The following SEC13 variants were observed in gnomAD, a reference collection of about 807,000 sequenced individuals.
The protein encoded by SEC13 is SEC13 homolog, nuclear pore and COPII component.
In SEC13, 25 loss-of-function variants were observed where a neutral mutation model predicts 49.2. That is an observed-to-expected ratio of 0.51 (90% CI 0.37 to 0.71). The LOEUF (loss-of-function observed/expected upper bound fraction) is 0.71, where lower values mean the gene tolerates loss of function less well. Ranked by LOEUF, SEC13 falls within the 30% of genes least tolerant of loss-of-function variation. The pLI is 0.00. For synonymous variants in SEC13, 148 were observed against 163.9 expected (o/e 0.90, Z 0.74); for missense variants, 383 against 417.6 (o/e 0.92, Z 0.72).
Position 10,314,602 on chromosome 3 carries a change from C to T in SEC13, c.164+719G>A, listed in dbSNP as rs1177949210. Reference sequence around the variant, plus strand: ...CTGTCCCAATTCATCAACCCCTGAACTCTATTCACAGAACCCTTGGAGATC... The same window carrying T: ...CTGTCCCAATTCATCAACCCCTGAATTCTATTCACAGAACCCTTGGAGATC... On this transcript the variant is annotated intron_variant, in intron 3 of 8. Transcript: ENST00000350697. Among the ~76,000 whole-genome samples, 3 of 152,306 alleles carry T rather than the reference C, an allele frequency of 2.0e-5. No individual in the cohort carries two copies. The East Asian group carries it at 5.8e-4, about 29-fold the overall frequency.
intron 3 of SEC13, 167 bp from the exon 4 acceptor site, chr3:10,312,897 A>G (rs1448228312): frequency 4.8e-6 from 3 of 625,200 alleles, no homozygotes; most frequent in Non-Finnish European, 8.2e-6. Flanking sequence ...GTGGACAGTG[A>G]GGAGCCTGAG....
intron 5 of SEC13, chr3:10,305,918 A>G (rs1239327364): frequency 4.7e-6 from 2 of 424,480 alleles, no homozygotes; most frequent in Admixed American, 3.6e-5. Flanking sequence ...AAGAACTCCC[A>G]CAAGTTTAAG....
At position 10,321,008 on chromosome 3, in the gene SEC13, G is replaced by A. The variant is rs2059767150; in HGVS notation, c.3+42C>T. On this transcript the variant is annotated intron_variant, in intron 1 of 8. Transcript: ENST00000350697. This position sits in a 1 kb window ranked among gnomAD's most constrained non-coding sequence, Gnocchi z 4.1. Reference sequence around the variant, plus strand: ...CGAGGAACCCGTGAAGGCCGCGACCGTGGCCTTCACCCTGCTAGGCCTCCT... The same window carrying A: ...CGAGGAACCCGTGAAGGCCGCGACCATGGCCTTCACCCTGCTAGGCCTCCT... 2 of 1,608,382 alleles carry A rather than the reference G, an allele frequency of 1.2e-6. No homozygotes were observed. Among genetic ancestry groups the A allele is most frequent in the Admixed American group, 1.7e-5 (1 of 59,368 alleles).
rs562938805 is a variant in SEC13, at chr3:10,304,166, G to T, written c.715C>A (p.Arg239Ser). 1 of 1,613,890 alleles carries T rather than the reference G, an allele frequency of 6.2e-7. No individual in the cohort carries two copies. The highest frequency in any genetic ancestry group is 1.1e-5 in the South Asian group (1 of 91,058). Residue 239 changes from arginine to serine, a missense_variant, in exon 8 of 9, where the codon CGT (arginine) becomes AGT (serine). Transcript: ENST00000350697. ...TCATCACAGGTCCAAATGAACACACGACCATCCTAGGAAGAAACAGGATAG... is the reference window on the plus strand; with the variant it reads ...TCATCACAGGTCCAAATGAACACACTACCATCCTAGGAAGAAACAGGATAG... Reference protein sequence around the residue: ...STIASCSQDGRVFIWTCDDAS... With the variant: ...STIASCSQDGSVFIWTCDDAS...
chr3:10,316,190 C>CT (rs911949330), intron 2 of SEC13, among the ~76,000 whole-genome samples: 8 of 152,200 alleles, frequency 5.3e-5, no homozygotes, highest in African/African-American at 1.2e-4. Context: ...GTGATGGTCT[C>CT]TGAGGCACCA....
intron 1 of SEC13, chr3:10,319,278 A>G (rs780392373): frequency 6.2e-7 from 1 of 1,605,904 alleles, no homozygotes; most frequent in Middle Eastern, 1.7e-4. Context: ...AGGTTCTCTC[A>G]TCAGATTCTA....
intron 5 of SEC13, among the ~76,000 whole-genome samples, chr3:10,307,387 T>G (rs1252378276): frequency 1.3e-5 from 2 of 152,088 alleles, no homozygotes; most frequent in Non-Finnish European, 2.9e-5. Context: ...TTTTGTATTT[T>G]TAGTAGCGTC....
At chr3:10,303,953 A>G in intron 8 of SEC13, 73 bp downstream of exon 8, 2 of 1,541,042 alleles carry the variant, frequency 1.3e-6, no homozygotes, top group East Asian at 2.3e-5. Context: ...TGGGAATGTC[A>G]AGTGCCCTCT....
intron 5 of SEC13, among the ~76,000 whole-genome samples, chr3:10,308,838 G>A (rs1013229220): frequency 3.5e-5 from 5 of 141,472 alleles, no homozygotes; most frequent in Admixed American, 7.4e-5. Context: ...CACTATGTTG[G>A]CCAGGTTGGT....
chr3:10,320,420 A>G (rs374386363), intron 1 of SEC13: 1 of 529,112 alleles, frequency 1.9e-6, no homozygotes, highest in South Asian at 8.1e-5. Flanking sequence ...TGTACACTGC[A>G]GATGCCACAG....
chr3:10,317,932 A>T (rs1701706267), intron 2 of SEC13, 118 bp downstream of exon 2: 1 of 672,244 alleles, frequency 1.5e-6, no homozygotes, highest in African/African-American at 1.8e-5. Flanking sequence ...ACCACTGCAA[A>T]GCCACCCTGG....
chr3:10,315,448 G>T lies in SEC13; in HGVS notation c.49-12C>A. The T allele has an allele frequency of 7.5e-7, 1 of 1,329,912 alleles. No individual in the cohort carries two copies. The highest frequency in any genetic ancestry group is 1.0e-6 in the Non-Finnish European group (1 of 961,184). The allele number at this position is 1,329,912 out of a possible 1,614,324, so 82.4% of individuals were successfully genotyped here. ...ATCTGGGCGTCGTGCTGCAAAGGGA[G>T]GACAGCTCGGGAAGCCTGCAGGCTG... On this transcript the variant is annotated splice_polypyrimidine_tract_variant and intron_variant, in intron 2 of 8. Coordinates refer to ENST00000350697, the MANE Select transcript of SEC13 (RefSeq NM_183352.3).
chr3:10,312,523 G>C, intron 4 of SEC13, 56 bp downstream of exon 4: 3 of 1,594,268 alleles, frequency 1.9e-6, no homozygotes, highest in Non-Finnish European at 2.6e-6. Context: ...AGCCGGGACA[G>C]AGTCCTTTTT....
intron 5 of SEC13, chr3:10,311,719 G>C: frequency 7.3e-7 from 1 of 1,370,596 alleles, no homozygotes; most frequent in South Asian, 1.5e-5. Context: ...CAGTGAGCAG[G>C]CTGCTGCTGC....
intron 8 of SEC13, chr3:10,303,814 G>C: frequency 1.7e-6 from 1 of 595,946 alleles, no homozygotes; most frequent in Non-Finnish European, 3.0e-6. Flanking sequence ...GCCTCTGTCA[G>C]CTTCTTTCCT....
intron 8 of SEC13, 116 bp from the exon 9 acceptor site, chr3:10,301,490 G>A (rs1407300844): frequency 3.0e-6 from 4 of 1,321,894 alleles, no homozygotes; most frequent in African/African-American, 2.9e-5. Context: ...TGGGTGAACA[G>A]AGCATGTCCC....
At position 10,304,815 on chromosome 3, in the gene SEC13, C is replaced by T. The variant is rs568308060; in HGVS notation, c.708+218G>A. On this transcript the variant is annotated intron_variant, in intron 7 of 8. Coordinates refer to ENST00000350697, the MANE Select transcript of SEC13 (RefSeq NM_183352.3). Reference sequence around the variant, plus strand: ...TCCCGAATCCGCCTCCTTCTTGGTGCCGGTTCTGTTGTAGCTGTCTCATCT... The same window carrying T: ...TCCCGAATCCGCCTCCTTCTTGGTGTCGGTTCTGTTGTAGCTGTCTCATCT... 3.3e-5 allele frequency among the ~76,000 whole-genome samples: 5 copies of T among 152,310 alleles called. No homozygotes were observed. The South Asian group carries it at 1.0e-3, about 32-fold the overall frequency.
chr3:10,315,005 T>C (rs530310690), intron 3 of SEC13: 11 of 271,094 alleles, frequency 4.1e-5, no homozygotes, highest in East Asian at 1.7e-4. Context: ...GGAGGTAGCA[T>C]TGGCCCAATT....
intron 5 of SEC13, among the ~76,000 whole-genome samples, chr3:10,306,644 C>T (rs1044593785): frequency 6.6e-6 from 1 of 152,174 alleles, no homozygotes; most frequent in African/African-American, 2.4e-5. Context: ...ATCTTGAATT[C>T]CCACGTGTTG....
Sources: allele counts gnomAD v4.1 joint callset (sites outside exome capture counted in the v4.1 genomes callset), GRCh38; gene constraint gnomAD v4.1.1; non-coding constraint Gnocchi (gnomAD v3.1); transcripts MANE v1.5; gene names NCBI Gene and HGNC (gene_info 2026-07-23, HGNC 2026-07-21).